The following DNAJC6 variants were observed in gnomAD, a reference collection of about 807,000 sequenced individuals.
The protein encoded by DNAJC6 is DnaJ heat shock protein family (Hsp40) member C6.
A neutral mutation model predicts 110.0 loss-of-function variants in DNAJC6; 34 were observed. The ratio of observed to expected loss-of-function variants is 0.31; its 90% CI spans 0.24 to 0.41. The LOEUF is 0.41. Ranked by LOEUF, DNAJC6 falls within the 10% of genes least tolerant of loss-of-function variation. The probability of loss-of-function intolerance (pLI) is 1.00; values close to 1 mark genes in which losing one functional copy is unlikely to be tolerated. For synonymous variants in DNAJC6, 406 were observed against 437.2 expected (o/e 0.93, Z 0.89); for missense variants, 1,031 against 1,207.8 (o/e 0.85, Z 2.17).
chr1:65,356,387 C>A (rs1645543705), intron 1 of DNAJC6, among the ~76,000 whole-genome samples: 1 of 151,762 alleles, frequency 6.6e-6, no homozygotes, highest in South Asian at 2.1e-4. Context: ...GCCTGGGAAA[C>A]ATGGTGAAAC....
chr1:65,331,542 T>G (rs2101454081), intron 1 of DNAJC6, among the ~76,000 whole-genome samples: 1 of 152,330 alleles, frequency 6.6e-6, no homozygotes, highest in African/African-American at 2.4e-5. Flanking sequence ...AGCTGCCACC[T>G]GTTTATCTTA....
At chr1:65,367,893 G>A (rs1349650231) in intron 4 of DNAJC6, among the ~76,000 whole-genome samples, 1 of 88,218 alleles carries the variant, frequency 1.1e-5, no homozygotes. Context: ...TTTTTTTTTT[G>A]GATACCTAGA....
chr1:65,308,436 C>T (rs1645064749), upstream of DNAJC6, among the ~76,000 whole-genome samples: 1 of 152,166 alleles, frequency 6.6e-6, no homozygotes, highest in African/African-American at 2.4e-5. Context: ...AGCAATCCTT[C>T]TGAAATCTTA....
intron 1 of DNAJC6, among the ~76,000 whole-genome samples, chr1:65,311,224 T>TTG (rs1645097276): frequency 7.5e-6 from 1 of 133,582 alleles, no homozygotes; most frequent in Admixed American, 7.7e-5. Context: ...TGTTTTTTTT[T>TTG]TTTTTTTTTT....
intron 13 of DNAJC6, among the ~76,000 whole-genome samples, chr1:65,397,556 C>A (rs1006913087): frequency 4.0e-5 from 6 of 151,492 alleles, no homozygotes; most frequent in Admixed American, 2.0e-4. Context: ...AGTCTCTGTC[C>A]CCTGATGTGG....
intron 1 of DNAJC6, among the ~76,000 whole-genome samples, chr1:65,335,169 A>G (rs1234440677): frequency 6.6e-6 from 1 of 150,956 alleles, no homozygotes; most frequent in African/African-American, 2.4e-5. Context: ...GTGCAGTGGC[A>G]CGATCTTGGC....
chr1:65,283,261 A>G (rs1248286134), intron 1 of DNAJC6, among the ~76,000 whole-genome samples: 1 of 152,158 alleles, frequency 6.6e-6, no homozygotes, highest in Non-Finnish European at 1.5e-5. Context: ...AGATGCTCAA[A>G]TATCACCACA....
At chr1:65,362,365 G>A (rs1436602346) in intron 1 of DNAJC6, among the ~76,000 whole-genome samples, 4 of 152,040 alleles carry the variant, frequency 2.6e-5, no homozygotes, top group Admixed American at 6.5e-5. Flanking sequence ...TGCCTATTAC[G>A]TGAATATTTT....
At chr1:65,352,976 C>T (rs940754920) in intron 1 of DNAJC6, among the ~76,000 whole-genome samples, 4 of 152,094 alleles carry the variant, frequency 2.6e-5, no homozygotes, top group East Asian at 1.9e-4. Context: ...ACTGAAATGT[C>T]GAACAGAAAA....
intron 1 of DNAJC6, among the ~76,000 whole-genome samples, chr1:65,295,118 T>C (rs1231021535): frequency 6.6e-6 from 1 of 152,196 alleles, no homozygotes; most frequent in African/African-American, 2.4e-5. Context: ...AGTACTGTAT[T>C]AGGCAGGATT....
At chr1:65,273,180 A>G (rs904051101) in intron 1 of DNAJC6, among the ~76,000 whole-genome samples, 4 of 152,020 alleles carry the variant, frequency 2.6e-5, no homozygotes, top group African/African-American at 9.7e-5. Context: ...TTTTGTCTTT[A>G]TTATTTCCTC....
chr1:65,349,318 A>C (rs775340710), intron 1 of DNAJC6, among the ~76,000 whole-genome samples: 3 of 151,826 alleles, frequency 2.0e-5, no homozygotes, highest in Non-Finnish European at 4.4e-5. Context: ...ACCACAATAC[A>C]ATGTTGTTAT....
chr1:65,408,847 T>A, intron 17 of DNAJC6, 64 bp downstream of exon 17: 1 of 1,564,738 alleles, frequency 6.4e-7, no homozygotes, highest in Non-Finnish European at 8.7e-7. Flanking sequence ...TAAAGTCATG[T>A]GTATGGAGCT....
Position 65,408,796 on chromosome 1 carries a change from C to T in DNAJC6, c.2634+13C>T. Reference sequence around the variant, plus strand: ...TGAGAAATTAAAGGTGAGTGAGGCCCCTGACGCAGCTTGATTATCCTATAT... The same window carrying T: ...TGAGAAATTAAAGGTGAGTGAGGCCTCTGACGCAGCTTGATTATCCTATAT... On this transcript the variant is annotated intron_variant, in intron 17 of 18. Coordinates refer to ENST00000371069, the MANE Select transcript of DNAJC6 (RefSeq NM_001256864.2). 1 of 1,610,642 alleles carries T rather than the reference C, an allele frequency of 6.2e-7. No individual in the cohort carries two copies. The highest frequency in any genetic ancestry group is 1.7e-5 in the Admixed American group (1 of 58,918).
intron 4 of DNAJC6, among the ~76,000 whole-genome samples, chr1:65,376,980 G>C (rs1645772609): frequency 6.6e-6 from 1 of 152,098 alleles, no homozygotes; most frequent in Non-Finnish European, 1.5e-5. Context: ...GGCCAGGCTG[G>C]TCTTGAACTC....
At chr1:65,302,529 T>C (rs915168658) in intron 1 of DNAJC6, among the ~76,000 whole-genome samples, 4 of 130,056 alleles carry the variant, frequency 3.1e-5, no homozygotes, top group Admixed American at 1.5e-4. Context: ...CTTTCTTTTT[T>C]TTTTTTTTTT....
At chr1:65,346,687 C>T (rs544515980) in intron 1 of DNAJC6, among the ~76,000 whole-genome samples, 2 of 152,258 alleles carry the variant, frequency 1.3e-5, no homozygotes, top group East Asian at 3.9e-4. Context: ...GTAAGCCTAG[C>T]ATGTTCCCTA....
intron 2 of DNAJC6, 40 bp downstream of exon 2, chr1:65,364,825 G>T (rs1309620117): frequency 1.9e-6 from 3 of 1,606,858 alleles, no homozygotes; most frequent in African/African-American, 1.3e-5. Flanking sequence ...GGATCCCCAT[G>T]CTCTCAAAGG....
At chr1:65,341,895 C>T (rs191614540) in intron 1 of DNAJC6, among the ~76,000 whole-genome samples, 10 of 152,166 alleles carry the variant, frequency 6.6e-5, no homozygotes, top group East Asian at 3.9e-4. Context: ...TGAGGGACCG[C>T]GATCATAGCT....
Sources: allele counts gnomAD v4.1 joint callset (sites outside exome capture counted in the v4.1 genomes callset), GRCh38; gene constraint gnomAD v4.1.1; transcripts MANE v1.5; gene names NCBI Gene and HGNC (gene_info 2026-07-23, HGNC 2026-07-21).